The following USP25 variants were observed in gnomAD, a reference collection of about 807,000 sequenced individuals.
USP25 encodes ubiquitin specific peptidase 25.
In USP25, 85 loss-of-function variants were observed where a neutral mutation model predicts 158.5. That is an observed-to-expected ratio of 0.54 (90% CI 0.45 to 0.64). The LOEUF (loss-of-function observed/expected upper bound fraction) is 0.64, where lower values mean the gene tolerates loss of function less well. USP25 is among the 30% of genes least tolerant of loss of function. The pLI is 0.00. For missense variants in USP25, 1,242 were observed against 1,327.3 expected (o/e 0.94, Z 1.00); for synonymous variants, 464 against 460.4 (o/e 1.01, Z -0.10).
At chr21:15,780,324 G>A (rs1382539093) in intron 4 of USP25, among the ~76,000 whole-genome samples, 1 of 152,136 alleles carries the variant, frequency 6.6e-6, no homozygotes, top group Non-Finnish European at 1.5e-5. Flanking sequence ...AATTTTTTAA[G>A]TAGAACGTTT....
intron 2 of USP25, 85 bp downstream of exon 2, chr21:15,763,053 G>T (rs2297247): frequency 0.14 from 168,079 of 1,180,000 alleles, 13,284 homozygotes; most frequent in African/African-American, 0.44. Flanking sequence ...TTTTTTTTTT[G>T]GGGTATACCA....
At position 15,878,619 on chromosome 21, in the gene USP25, A is replaced by T; in HGVS notation, c.*144A>T. 1.2e-6 allele frequency: 1 copy of T among 834,142 alleles called. No homozygotes were observed. Among genetic ancestry groups the T allele is most frequent in the Non-Finnish European group, 1.7e-6 (1 of 588,022 alleles). 51.7% of individuals were successfully genotyped at this position (834,142 alleles called of 1,614,324 possible). A position where few individuals can be genotyped will look rare whatever the true frequency, so the allele number is the denominator to read the frequency against. On this transcript the variant is annotated 3_prime_UTR_variant, in exon 26 of 26. Coordinates refer to ENST00000400183, the MANE Select transcript of USP25 (RefSeq NM_001283041.3). ...TGCAAAAGACAAAATGACTATACAG[A>T]CTTTAGTCAGACTGCAGACAATAAA... is the stretch of plus-strand genomic sequence containing the variant.
intron 10 of USP25, among the ~76,000 whole-genome samples, chr21:15,822,151 C>T (rs1172538782): frequency 1.3e-5 from 2 of 151,620 alleles, no homozygotes; most frequent in Non-Finnish European, 3.0e-5. Flanking sequence ...AGAAAAATTT[C>T]TCATGTTTCG....
At chr21:15,800,229 T>C (rs1487336221) in intron 6 of USP25, among the ~76,000 whole-genome samples, 1 of 151,316 alleles carries the variant, frequency 6.6e-6, no homozygotes, top group Non-Finnish European at 1.5e-5. Context: ...AAATGCGTTT[T>C]GCATTCATGT....
intron 20 of USP25, among the ~76,000 whole-genome samples, 188 bp from the exon 21 acceptor site, chr21:15,864,080 T>C (rs1327517709): frequency 6.7e-6 from 1 of 149,394 alleles, no homozygotes; most frequent in Admixed American, 6.7e-5. Flanking sequence ...TGGTCAGTTA[T>C]TCAGAAAATT....
chr21:15,878,531 C>G lies in USP25; in HGVS notation c.*56C>G. The G allele has an allele frequency of 6.6e-7, 1 of 1,519,448 alleles. No individual in the cohort carries two copies. Among genetic ancestry groups the G allele is most frequent in the Non-Finnish European group, 8.9e-7 (1 of 1,127,564 alleles). The allele number at this position is 1,519,448 out of a possible 1,614,324, so 94.1% of individuals were successfully genotyped here. Reference sequence around the variant, plus strand: ...AACTCTTTTTAGTTCTTAACCCTTGCCTTCCTGTCACAGGGTTTGCTTGTT... The same window carrying G: ...AACTCTTTTTAGTTCTTAACCCTTGGCTTCCTGTCACAGGGTTTGCTTGTT... On this transcript the variant is annotated 3_prime_UTR_variant, in exon 26 of 26. Transcript: ENST00000400183.
intron 11 of USP25, 55 bp from the exon 12 acceptor site, chr21:15,824,911 A>G (rs778345515): frequency 1.4e-6 from 2 of 1,435,416 alleles, no homozygotes; most frequent in African/African-American, 1.4e-5. Flanking sequence ...ATCTGGCCAT[A>G]TTGCATCTAC....
At chr21:15,823,236 C>G (rs959016583) in intron 10 of USP25, among the ~76,000 whole-genome samples, 1 of 151,908 alleles carries the variant, frequency 6.6e-6, no homozygotes, top group Non-Finnish European at 1.5e-5. Context: ...TACAATCTTT[C>G]TTTCTCTTTA....
At chr21:15,732,786 T>A (rs2031060644) in intron 1 of USP25, among the ~76,000 whole-genome samples, 1 of 152,202 alleles carries the variant, frequency 6.6e-6, no homozygotes, top group Non-Finnish European at 1.5e-5. Context: ...CACAAAACTT[T>A]CATGATTTTT....
At chr21:15,751,842 T>G (rs961722949) in intron 1 of USP25, among the ~76,000 whole-genome samples, 1 of 152,228 alleles carries the variant, frequency 6.6e-6, no homozygotes, top group Admixed American at 6.5e-5. Context: ...GTAACAGTAT[T>G]TTTTGGGAGA....
intron 7 of USP25, among the ~76,000 whole-genome samples, chr21:15,806,505 A>G (rs971562200): frequency 2.0e-5 from 3 of 151,554 alleles, no homozygotes; most frequent in African/African-American, 7.3e-5. Context: ...ATGAGGCAGC[A>G]TAGACTTTGT....
chr21:15,808,319 A>G (rs1057420925), intron 7 of USP25, among the ~76,000 whole-genome samples: 5 of 152,160 alleles, frequency 3.3e-5, no homozygotes, highest in African/African-American at 1.2e-4. Context: ...ATGATAGTAA[A>G]GGTAGATATG....
chr21:15,839,469 C>T (rs1318704112), intron 17 of USP25, among the ~76,000 whole-genome samples: 1 of 152,136 alleles, frequency 6.6e-6, no homozygotes, highest in East Asian at 1.9e-4. Flanking sequence ...TACAGAACAA[C>T]ACAATATAAC....
intron 3 of USP25, among the ~76,000 whole-genome samples, chr21:15,776,248 A>G (rs1034470788): frequency 2.0e-5 from 3 of 152,148 alleles, no homozygotes; most frequent in Admixed American, 6.5e-5. Context: ...TTACTATGCT[A>G]TATAAATCTT....
At chr21:15,752,846 A>T (rs1406716967) in intron 1 of USP25, among the ~76,000 whole-genome samples, 1 of 152,220 alleles carries the variant, frequency 6.6e-6, no homozygotes, top group Non-Finnish European at 1.5e-5. Context: ...AATTTATTTT[A>T]ATGCTAAAGT....
chr21:15,822,942 A>G (rs1304723041), intron 10 of USP25, among the ~76,000 whole-genome samples: 1 of 152,054 alleles, frequency 6.6e-6, no homozygotes, highest in Non-Finnish European at 1.5e-5. Context: ...AGCATTTTGA[A>G]AGAGAAATAG....
intron 11 of USP25, 123 bp downstream of exon 11, chr21:15,824,289 A>G: frequency 9.0e-7 from 1 of 1,105,048 alleles, no homozygotes; most frequent in Non-Finnish European, 1.3e-6. Context: ...AATATACCTA[A>G]TACCATTTGT....
chr21:15,829,828 A>G (rs1157813802), intron 14 of USP25, among the ~76,000 whole-genome samples: 1 of 151,936 alleles, frequency 6.6e-6, no homozygotes, highest in East Asian at 1.9e-4. Flanking sequence ...CTTTTCCTAT[A>G]AGGTTACTAG....
intron 20 of USP25, among the ~76,000 whole-genome samples, chr21:15,852,184 T>C (rs1312073957): frequency 6.6e-6 from 1 of 152,160 alleles, no homozygotes; most frequent in Non-Finnish European, 1.5e-5. Flanking sequence ...CTTTGTCAGA[T>C]GTTAAAAATA....
Sources: allele counts gnomAD v4.1 joint callset (sites outside exome capture counted in the v4.1 genomes callset), GRCh38; gene constraint gnomAD v4.1.1; transcripts MANE v1.5; gene names NCBI Gene and HGNC (gene_info 2026-07-23, HGNC 2026-07-21).